The following SLC27A1 variants were observed in gnomAD, a reference collection of about 807,000 sequenced individuals.
SLC27A1 encodes the protein solute carrier family 27 member 1.
In SLC27A1, 61 loss-of-function variants were observed where a neutral mutation model predicts 62.2. That is an observed-to-expected ratio of 0.98 (90% CI 0.80 to 1.21). SLC27A1 has a LOEUF of 1.21. Ranked by LOEUF, SLC27A1 falls within the 50% of genes most tolerant of loss-of-function variation. The probability of loss-of-function intolerance (pLI) is 0.00; values close to 1 mark genes in which losing one functional copy is unlikely to be tolerated. For missense variants in SLC27A1, 903 were observed against 932.1 expected (o/e 0.97, Z 0.41); for synonymous variants, 435 against 408.6 (o/e 1.06, Z -0.78).
At chr19:17,488,691 A>C (rs749173450) in intron 4 of SLC27A1, 157 bp from the exon 5 acceptor site, 50 of 651,842 alleles carry the variant, frequency 7.7e-5, no homozygotes, top group South Asian at 2.6e-4. Context: ...AACACCACCA[A>C]CAATTGTTGG....
At chr19:17,487,633 C>CCAGGGTAACA in intron 4 of SLC27A1, 104 bp downstream of exon 4, 1 of 1,175,608 alleles carries the variant, frequency 8.5e-7, no homozygotes, top group Non-Finnish European at 1.2e-6. Context: ...CCATGTTACC[C>CCAGGGTAACA]TGGGGACAGA....
chr19:17,494,976 C>CTTTT (rs56104169), intron 6 of SLC27A1, among the ~76,000 whole-genome samples: 1 of 145,058 alleles, frequency 6.9e-6, no homozygotes, highest in Non-Finnish European at 1.5e-5. Flanking sequence ...AAATCCTTGC[C>CTTTT]TTTTTTTTTT....
intron 1 of SLC27A1, among the ~76,000 whole-genome samples, chr19:17,481,774 T>G (rs2075180962): frequency 6.6e-6 from 1 of 152,230 alleles, no homozygotes; most frequent in Admixed American, 6.5e-5. Flanking sequence ...TCCAAAGTGC[T>G]GGGATTACAG....
rs1175394305 is a variant in SLC27A1, at chr19:17,502,335, G to GTTTTTTTTTTTTTTTTTTTTTTTT, written c.1783+924_1783+925insTTTTTTTTTTTTTTTTTTTTTTTT. Among the ~76,000 whole-genome samples the GTTTTTTTTTTTTTTTTTTTTTTTT allele has an allele frequency of 7.9e-5, 6 of 75,902 alleles. 1 individual carries two copies. Among genetic ancestry groups the GTTTTTTTTTTTTTTTTTTTTTTTT allele is most frequent in the Admixed American group, 1.8e-4 (1 of 5,446 alleles). 49.8% of individuals were successfully genotyped at this position (75,902 alleles called of 152,430 possible). A position where few individuals can be genotyped will look rare whatever the true frequency, so the allele number is the denominator to read the frequency against. ...CTGCCACTAAGCATTCTGAAATAGT[G>GTTTTTTTTTTTTTTTTTTTTTTTT]TTTTTTTTGTTTTTTTTTTTTTTTT... On this transcript the variant is annotated intron_variant, in intron 11 of 11. Coordinates refer to ENST00000252595, the MANE Select transcript of SLC27A1 (RefSeq NM_198580.3).
chr19:17,496,787 C>A (rs888426297), intron 6 of SLC27A1: 3 of 156,146 alleles, frequency 1.9e-5, no homozygotes, highest in Non-Finnish European at 4.3e-5. Context: ...ACAAGTGGCT[C>A]ACACCTGGAA....
chr19:17,480,639 A>G (rs1476397195), intron 1 of SLC27A1, among the ~76,000 whole-genome samples: 1 of 140,870 alleles, frequency 7.1e-6, no homozygotes, highest in Non-Finnish European at 1.5e-5. Flanking sequence ...TGACCTTTCA[A>G]AGTCCTAGCA....
chr19:17,476,005 C>A (rs960362457), intron 1 of SLC27A1, among the ~76,000 whole-genome samples: 4 of 152,130 alleles, frequency 2.6e-5, no homozygotes, highest in Non-Finnish European at 4.4e-5. Flanking sequence ...TCCTCGTGTT[C>A]CCACATCTAG....
intron 6 of SLC27A1, chr19:17,490,117 T>A (rs940524591): frequency 6.6e-6 from 1 of 152,160 alleles, no homozygotes; most frequent in Non-Finnish European, 1.5e-5. Context: ...GGAAAATTAC[T>A]AATCTGCATG....
At chr19:17,501,910 G>A (rs189461332) in intron 11 of SLC27A1, among the ~76,000 whole-genome samples, 247 of 151,510 alleles carry the variant, frequency 1.6e-3, no homozygotes, top group Middle Eastern at 6.8e-3. Flanking sequence ...TCAGGAGTTC[G>A]AGACCAGCCT....
In SLC27A1 at chr19:17,470,526, C is replaced by T. The variant is rs1341396167; in HGVS notation, c.-15C>T. ...TGGAGCGGCCCGCGGCCTCAGCTCT[C>T]TCTGCTTCCCCAGGATGCGGGCTCC... On this transcript the variant is annotated 5_prime_UTR_variant, in exon 1 of 12. Transcript: ENST00000252595. The T allele has an allele frequency of 3.2e-6, 5 of 1,538,614 alleles. No homozygotes were observed. The highest frequency in any genetic ancestry group is 2.8e-5 in the African/African-American group (2 of 70,836).
chr19:17,470,487 T>C, upstream of SLC27A1: 2 of 1,412,918 alleles, frequency 1.4e-6, no homozygotes, highest in Admixed American at 2.8e-5. Flanking sequence ...GCGGAGCGGG[T>C]CGTGGGGCGG....
chr19:17,482,869 A>T (rs1183160220), intron 1 of SLC27A1, among the ~76,000 whole-genome samples: 1 of 152,078 alleles, frequency 6.6e-6, no homozygotes, highest in African/African-American at 2.4e-5. Context: ...CCCTCTATTG[A>T]CTGAGCACAT....
At chr19:17,493,427 CAAAAA>C (rs769247313) in intron 6 of SLC27A1, among the ~76,000 whole-genome samples, 1 of 72,034 alleles carries the variant, frequency 1.4e-5, no homozygotes, top group East Asian at 5.5e-4. Flanking sequence ...AACTCCATCT[CAAAAA>C]AAAAAAAAAA....
At chr19:17,480,649 A>C (rs2075168336) in intron 1 of SLC27A1, among the ~76,000 whole-genome samples, 1 of 145,768 alleles carries the variant, frequency 6.9e-6, no homozygotes, top group South Asian at 2.1e-4. Flanking sequence ...AAGTCCTAGC[A>C]TTATAGGCGT....
chr19:17,493,730 T>G, intron 6 of SLC27A1, among the ~76,000 whole-genome samples: 1 of 151,878 alleles, frequency 6.6e-6, no homozygotes, highest in East Asian at 2.0e-4. Flanking sequence ...GTTCAAGTGA[T>G]TCCCCTCCCT....
In SLC27A1 at chr19:17,486,386, G is replaced by A. The variant is rs2075229369; in HGVS notation, c.168-177G>A. Among the ~76,000 whole-genome samples the A allele has an allele frequency of 6.6e-6, 1 of 152,232 alleles. No homozygotes were observed. Among genetic ancestry groups the A allele is most frequent in the Non-Finnish European group, 1.5e-5 (1 of 68,040 alleles). On this transcript the variant is annotated intron_variant, in intron 1 of 11. Transcript: ENST00000252595. The surrounding 1 kb of genome is among the most constrained non-coding windows in gnomAD (Gnocchi z 6.6). ...TTGAGAATCTACCTTCTTCCTGGCT[G>A]GTTGGTAAATGGCCCTTGCCCTTGG... is the stretch of plus-strand genomic sequence containing the variant.
chr19:17,487,100 G>A (rs1241389554), intron 2 of SLC27A1, 74 bp from the exon 3 acceptor site: 1 of 1,603,050 alleles, frequency 6.2e-7, no homozygotes, highest in Non-Finnish European at 8.5e-7. Context: ...CCCCGGGCAG[G>A]GAGTTGGTGC....
At chr19:17,488,615 C>A (rs750213768) in intron 4 of SLC27A1, 4 of 592,498 alleles carry the variant, frequency 6.8e-6, no homozygotes, top group South Asian at 2.0e-5. Context: ...ATCCCCCAAC[C>A]CCCCTGGCTG....
chr19:17,469,526 AG>A (rs909093032), upstream of SLC27A1, among the ~76,000 whole-genome samples: 1 of 151,706 alleles, frequency 6.6e-6, no homozygotes, highest in South Asian at 2.1e-4. Context: ...CTAAAAGGAG[AG>A]GGGGTGGGGC....
Sources: gnomAD v4.1 joint callset for allele counts (sites outside exome capture counted in the v4.1 genomes callset) on GRCh38, gnomAD v4.1.1 for gene constraint, Gnocchi (gnomAD v3.1) non-coding constraint, MANE v1.5 for transcripts, NCBI Gene and HGNC (gene_info 2026-07-23, HGNC 2026-07-21) for gene names.